The following TMEM131L variants were observed in gnomAD, a reference collection of about 807,000 sequenced individuals.
The protein encoded by TMEM131L is transmembrane protein 131-like.
Under a neutral mutation model 192.2 loss-of-function variants are expected in TMEM131L, and 54 were observed. The ratio of observed to expected loss-of-function variants is 0.28; its 90% CI spans 0.23 to 0.35. The LOEUF is 0.35. TMEM131L is among the 10% of genes least tolerant of loss of function. The pLI is 1.00. For synonymous variants in TMEM131L, 701 were observed against 704.9 expected (o/e 0.99, Z 0.09); for missense variants, 1,888 against 1,972.9 (o/e 0.96, Z 0.82).
chr4:153,532,437 CT>C lies in TMEM131L; in HGVS notation c.240-17627del, dbSNP rs368571390. ...CGTGTGTGCTTACTTGCTATTAGTG[CT>C]TTTTTTTTAAAAAAAAAAAAAGCTT... On this transcript the variant is annotated intron_variant, in intron 3 of 34. Transcript: ENST00000409959. 7.8e-3 allele frequency among the ~76,000 whole-genome samples: 1,073 copies of C among 137,822 alleles called. 9 individuals carry two copies. Among genetic ancestry groups the C allele is most frequent in the African/African-American group, 0.026 (975 of 37,106 alleles). 90.4% of individuals were successfully genotyped at this position (137,822 alleles called of 152,430 possible). A position where few individuals can be genotyped will look rare whatever the true frequency, so the allele number is the denominator to read the frequency against.
chr4:153,586,579 T>C (rs1281191094), intron 14 of TMEM131L, among the ~76,000 whole-genome samples, 200 bp downstream of exon 14: 5 of 152,202 alleles, frequency 3.3e-5, no homozygotes, highest in Admixed American at 1.3e-4. Context: ...TTTTCTTTTT[T>C]ATAAAGTAAT....
At position 153,591,140 on chromosome 4, in the gene TMEM131L, C is replaced by T. The variant is rs755105960; in HGVS notation, c.1758C>T (p.Ile586=). 27 of 1,611,262 alleles carry T rather than the reference C, an allele frequency of 1.7e-5. No homozygotes were observed. Among genetic ancestry groups the T allele is most frequent in the Admixed American group, 1.0e-4 (6 of 59,836 alleles). Residue 586 remains isoleucine, a synonymous_variant, in exon 17 of 35, where the codon ATC becomes ATT. Coordinates refer to ENST00000409959, the MANE Select transcript of TMEM131L (RefSeq NM_001131007.2). ...ESFVFFLPRL[I]AEPGLMLNFS... is the part of the protein sequence containing the mutation. Reference sequence around the variant, plus strand: ...TTGTTTTCTTTTTGCCTCGTTTGATCGCAGAGCCTGGCCTCATGTTAAACT... The same window carrying T: ...TTGTTTTCTTTTTGCCTCGTTTGATTGCAGAGCCTGGCCTCATGTTAAACT...
intron 7 of TMEM131L, among the ~76,000 whole-genome samples, chr4:153,569,242 C>T (rs577898201): frequency 3.5e-4 from 53 of 152,302 alleles, no homozygotes; most frequent in Non-Finnish European, 6.5e-4. Flanking sequence ...TGAGATCAGC[C>T]GATTTCCAGC....
intron 3 of TMEM131L, among the ~76,000 whole-genome samples, chr4:153,502,303 A>G (rs998578927): frequency 3.3e-5 from 5 of 152,196 alleles, no homozygotes; most frequent in Non-Finnish European, 7.3e-5. Flanking sequence ...CTCAGCTGCA[A>G]GTGGTAGACT....
chr4:153,543,160 TG>T (rs1478954428), intron 3 of TMEM131L, among the ~76,000 whole-genome samples: 2 of 152,196 alleles, frequency 1.3e-5, no homozygotes, highest in African/African-American at 4.8e-5. Flanking sequence ...AGGAAAATCA[TG>T]TCCTACCAAA....
chr4:153,546,687 G>T (rs528046269), intron 3 of TMEM131L, among the ~76,000 whole-genome samples: 2 of 152,312 alleles, frequency 1.3e-5, no homozygotes, highest in East Asian at 3.9e-4. Context: ...CAGCACTCTG[G>T]GAGGCCGAGG....
At chr4:153,581,058 C>G (rs561358415) in intron 8 of TMEM131L, among the ~76,000 whole-genome samples, 155 bp downstream of exon 8, 1 of 152,314 alleles carries the variant, frequency 6.6e-6, no homozygotes, top group African/African-American at 2.4e-5. Flanking sequence ...TTGAGACCAT[C>G]CTGGCTAACA....
intron 3 of TMEM131L, among the ~76,000 whole-genome samples, chr4:153,540,310 T>C (rs1736680954): frequency 6.6e-6 from 1 of 152,188 alleles, no homozygotes; most frequent in African/African-American, 2.4e-5. Flanking sequence ...CTGTATGCCT[T>C]AACTTGTGTT....
At chr4:153,556,935 C>A in intron 5 of TMEM131L, 31 bp from the exon 6 acceptor site, 1 of 1,052,278 alleles carries the variant, frequency 9.5e-7, no homozygotes, top group Non-Finnish European at 1.5e-6. Flanking sequence ...GGAGGCCATT[C>A]CAAGTGGCTG....
At chr4:153,580,761 T>C (rs1730274872) in intron 7 of TMEM131L, 65 bp from the exon 8 acceptor site, 2 of 872,348 alleles carry the variant, frequency 2.3e-6, no homozygotes, top group South Asian at 1.4e-5. Context: ...TGATAAATTG[T>C]TTATTATTAG....
At chr4:153,466,681 A>T (rs969794068) in intron 1 of TMEM131L, among the ~76,000 whole-genome samples, 160 bp downstream of exon 1, 2 of 152,058 alleles carry the variant, frequency 1.3e-5, no homozygotes, top group African/African-American at 4.8e-5. Context: ...ACATTTTCTG[A>T]CCACAGCGTC....
chr4:153,583,531 G>T, intron 10 of TMEM131L, 33 bp from the exon 11 acceptor site: 1 of 1,350,730 alleles, frequency 7.4e-7, no homozygotes, highest in Non-Finnish European at 1.1e-6. Context: ...TCCCAGCTGA[G>T]AGTAGTCACA....
intron 3 of TMEM131L, among the ~76,000 whole-genome samples, chr4:153,516,382 A>G (rs1323856524): frequency 6.6e-6 from 1 of 152,118 alleles, no homozygotes; most frequent in Non-Finnish European, 1.5e-5. Flanking sequence ...GGCATGCACC[A>G]CTGTGCCGGG....
chr4:153,574,880 G>A (rs374780979), intron 7 of TMEM131L, among the ~76,000 whole-genome samples: 7 of 152,162 alleles, frequency 4.6e-5, no homozygotes, highest in East Asian at 1.9e-4. Flanking sequence ...GAGCCACTGC[G>A]CCCGGCCGAG....
chr4:153,551,657 G>A (rs1737632350), intron 4 of TMEM131L, among the ~76,000 whole-genome samples: 1 of 151,972 alleles, frequency 6.6e-6, no homozygotes, highest in South Asian at 2.1e-4. Flanking sequence ...CACCCAGCCT[G>A]AACTTGGAAT....
At chr4:153,520,203 G>A (rs745522462) in intron 3 of TMEM131L, among the ~76,000 whole-genome samples, 1 of 152,028 alleles carries the variant, frequency 6.6e-6, no homozygotes, top group African/African-American at 2.4e-5. Context: ...TGTTGTTATC[G>A]CAGCACTTTG....
intron 3 of TMEM131L, among the ~76,000 whole-genome samples, chr4:153,547,984 T>G (rs1737314699): frequency 6.6e-6 from 1 of 152,066 alleles, no homozygotes; most frequent in Non-Finnish European, 1.5e-5. Flanking sequence ...AGCCTGACTT[T>G]TCTCAAAATT....
intron 3 of TMEM131L, among the ~76,000 whole-genome samples, chr4:153,524,212 C>A (rs1580132991): frequency 6.9e-6 from 1 of 145,946 alleles, no homozygotes; most frequent in Non-Finnish European, 1.5e-5. Context: ...GATTGCCATT[C>A]TCAGAGCTTT....
In TMEM131L at chr4:153,604,169, T is replaced by G. The variant is rs1367691070; in HGVS notation, c.3157T>G (p.Leu1053Val). Residue 1053 changes from leucine (L) to valine (V), a missense_variant, in exon 25 of 35, where the codon TTA becomes GTA. Physicochemically the swap from Leu to Val is conservative, Grantham distance 32. Coordinates refer to ENST00000409959, the MANE Select transcript of TMEM131L (RefSeq NM_001131007.2). ...GAAGAATTTAACCCTTCCCAAAAAC[T>G]TACTGAATAAAGAAGAAAACACACT... Reference protein sequence around the residue: ...LQKNLTLPKNLLNKEENTLKN... With the variant: ...LQKNLTLPKNVLNKEENTLKN... 11 of 1,613,980 alleles carry G rather than the reference T, an allele frequency of 6.8e-6. No homozygotes were observed. In the African/African-American group the frequency reaches 1.5e-4, roughly 22 times the overall value.
Sources: allele counts gnomAD v4.1 joint callset (sites outside exome capture counted in the v4.1 genomes callset), GRCh38; gene constraint gnomAD v4.1.1; transcripts MANE v1.5; gene names NCBI Gene and HGNC (gene_info 2026-07-23, HGNC 2026-07-21).